The following PLXNC1 variants were observed in gnomAD, a reference collection of about 807,000 sequenced individuals.
The protein encoded by PLXNC1 is plexin-C1.
Under a neutral mutation model 178.2 loss-of-function variants are expected in PLXNC1, and 75 were observed. The ratio of observed to expected loss-of-function variants is 0.42; its 90% confidence interval spans 0.35 to 0.51. The LOEUF is 0.51. PLXNC1 is among the 20% of genes least tolerant of loss of function. The pLI, the probability that PLXNC1 is intolerant of heterozygous loss-of-function variation, is 0.02. For missense variants in PLXNC1, 1,503 were observed against 1,984.4 expected, an observed-to-expected ratio of 0.76 and a Z score of 4.61; for synonymous variants, 790 against 779.9, an observed-to-expected ratio of 1.01 and a Z score of -0.22.
At chr12:94,188,187 A>C (rs931596414) in intron 4 of PLXNC1, among the ~76,000 whole-genome samples, 2 of 152,104 alleles carry the variant, frequency 1.3e-5, no homozygotes, top group African/African-American at 4.8e-5. Context: ...AGTGGCGCTA[A>C]ATCCACAAGA....
At chr12:94,153,146 G>C (rs1961020995) in intron 1 of PLXNC1, among the ~76,000 whole-genome samples, 1 of 152,222 alleles carries the variant, frequency 6.6e-6, no homozygotes. Context: ...CAGATGAGGA[G>C]GCTAAAGATC....
intron 14 of PLXNC1, among the ~76,000 whole-genome samples, chr12:94,250,285 G>T (rs1964644546): frequency 6.6e-6 from 1 of 152,202 alleles, no homozygotes; most frequent in Non-Finnish European, 1.5e-5. Context: ...AGGCATGGGA[G>T]AGTTTTGAGG....
Position 94,186,486 on chromosome 12 carries a change from T to A in PLXNC1, c.1439+13T>A, listed in dbSNP as rs750966146. ...ATTCGCTACAAAGGTATCTCCTGAA[T>A]TCTTTCTCACCAACTCGCATTTTTG... On this transcript the variant is annotated intron_variant, in intron 4 of 30. Transcript: ENST00000258526. The A allele has an allele frequency of 6.4e-7, 1 of 1,574,532 alleles. No homozygotes were observed. The highest frequency in any genetic ancestry group is 8.7e-7 in the Non-Finnish European group (1 of 1,143,912).
At chr12:94,261,134 G>A (rs1310745839) in intron 20 of PLXNC1, among the ~76,000 whole-genome samples, 1 of 148,314 alleles carries the variant, frequency 6.7e-6, no homozygotes, top group Non-Finnish European at 1.5e-5. Context: ...TTAAGAAAAT[G>A]TACTGAGAAA....
intron 30 of PLXNC1, 96 bp from the exon 31 acceptor site, chr12:94,305,085 A>C: frequency 1.4e-6 from 1 of 720,680 alleles, no homozygotes; most frequent in Non-Finnish European, 2.4e-6. Context: ...CATCTGTTTC[A>C]TACAGATTTT....
At position 94,165,820 on chromosome 12, in the gene PLXNC1, A is replaced by G. The variant is rs1356034376; in HGVS notation, c.1063-3333A>G. Among the ~76,000 whole-genome samples, 3 of 151,996 alleles carry G rather than the reference A, an allele frequency of 2.0e-5. No individual in the cohort carries two copies. The East Asian group carries it at 5.8e-4, about 29-fold the overall frequency. On this transcript the variant is annotated intron_variant, in intron 1 of 30. Coordinates refer to ENST00000258526, the MANE Select transcript of PLXNC1 (RefSeq NM_005761.3). ...CTTTGTATCCTTCATCTTGAATCTC[A>G]TGGAAACAGAACGGTTGCCACGAGT... is the stretch of plus-strand genomic sequence containing the variant.
intron 3 of PLXNC1, among the ~76,000 whole-genome samples, chr12:94,183,760 C>A (rs912412976): frequency 3.9e-5 from 6 of 152,148 alleles, no homozygotes; most frequent in Admixed American, 6.5e-5. Context: ...TTCCCACTTT[C>A]TAGAAAGCAA....
At chr12:94,182,912 A>G (rs1239238598) in intron 3 of PLXNC1, among the ~76,000 whole-genome samples, 2 of 149,772 alleles carry the variant, frequency 1.3e-5, no homozygotes, top group Non-Finnish European at 3.0e-5. Flanking sequence ...TCTATCATCT[A>G]TCTATCTATC....
At chr12:94,270,039 T>C (rs1015084832) in intron 21 of PLXNC1, among the ~76,000 whole-genome samples, 2 of 152,368 alleles carry the variant, frequency 1.3e-5, no homozygotes, top group Admixed American at 6.5e-5. Flanking sequence ...TTACTTTTTT[T>C]CTTTATAGCT....
intron 1 of PLXNC1, among the ~76,000 whole-genome samples, chr12:94,166,044 C>T (rs1436028541): frequency 6.6e-6 from 1 of 152,124 alleles, no homozygotes; most frequent in Non-Finnish European, 1.5e-5. Context: ...AAGCCAGTGT[C>T]TGGCAATAGG....
intron 7 of PLXNC1, 172 bp from the exon 8 acceptor site, chr12:94,226,433 A>C (rs1226583747): frequency 3.6e-6 from 2 of 552,778 alleles, no homozygotes; most frequent in African/African-American, 1.9e-5. Context: ...CGGCCCATCA[A>C]CCTGAGGGCT....
intron 9 of PLXNC1, among the ~76,000 whole-genome samples, chr12:94,234,853 C>G (rs1180905152): frequency 6.6e-6 from 1 of 151,986 alleles, no homozygotes; most frequent in Non-Finnish European, 1.5e-5. Context: ...TGTGTAGAAC[C>G]TTTATGGGGA....
chr12:94,277,193 G>C (rs832512), intron 21 of PLXNC1: 9 of 151,902 alleles, frequency 5.9e-5, no homozygotes, highest in African/African-American at 2.2e-4. Flanking sequence ...TTCCTGCTGG[G>C]TCCTCACATG....
At chr12:94,294,646 C>T in intron 24 of PLXNC1, 106 bp downstream of exon 24, 1 of 593,672 alleles carries the variant, frequency 1.7e-6, no homozygotes, top group Non-Finnish European at 3.1e-6. Context: ...TGAGTTGTTG[C>T]TATGTAATTC....
chr12:94,213,868 ATT>A (rs779977778), intron 5 of PLXNC1, among the ~76,000 whole-genome samples: 2 of 140,936 alleles, frequency 1.4e-5, no homozygotes, highest in Non-Finnish European at 3.1e-5. Flanking sequence ...CGCTTTCTAC[ATT>A]TTTTTTTTTT....
chr12:94,304,976 C>G (rs533497882), intron 30 of PLXNC1, among the ~76,000 whole-genome samples: 2 of 152,126 alleles, frequency 1.3e-5, no homozygotes, highest in Non-Finnish European at 1.5e-5. Context: ...GTATTTCTTG[C>G]GAGCTTCTAT....
chr12:94,278,242 AC>A (rs1430058530), intron 21 of PLXNC1: 2 of 353,822 alleles, frequency 5.7e-6, no homozygotes, highest in African/African-American at 4.3e-5. Context: ...TTCACACCAT[AC>A]CCAAGCCTTT....
At chr12:94,224,987 G>A (rs549254526) in intron 7 of PLXNC1, among the ~76,000 whole-genome samples, 1 of 152,238 alleles carries the variant, frequency 6.6e-6, no homozygotes, top group African/African-American at 2.4e-5. Context: ...CTTGAGTGTA[G>A]GGGTAAAAAG....
intron 4 of PLXNC1, among the ~76,000 whole-genome samples, chr12:94,200,790 A>G (rs1284328069): frequency 6.6e-6 from 1 of 152,222 alleles, no homozygotes; most frequent in Admixed American, 6.5e-5. Flanking sequence ...CATTGCCCAC[A>G]AAAGAACCAC....
Sources: gnomAD v4.1 joint callset for allele counts (sites outside exome capture counted in the v4.1 genomes callset) on GRCh38, gnomAD v4.1.1 for gene constraint, MANE v1.5 for transcripts, NCBI Gene and HGNC (gene_info 2026-07-23, HGNC 2026-07-21) for gene names.